Variants in ERC1 observed in about 807,000 individuals in gnomAD.
ERC1 encodes ELKS/RAB6-interacting/CAST family member 1, also known as RAB6 interacting protein 2.
A neutral mutation model predicts 132.0 loss-of-function variants in ERC1; 56 were observed. The observed-to-expected ratio is 0.42, with a 90% confidence interval of 0.34 to 0.53. The LOEUF is 0.53. Among genes scored for constraint, ERC1 ranks in the 20% least tolerant of loss-of-function variants. The probability of loss-of-function intolerance (pLI) is 0.03; values close to 1 mark genes in which losing one functional copy is unlikely to be tolerated. For synonymous variants in ERC1, 478 were observed against 476.1 expected (o/e 1.00, Z -0.05); for missense variants, 1,202 against 1,349.9 (o/e 0.89, Z 1.72).
At chr12:1,358,415 A>G (rs1440035863) in intron 15 of ERC1, among the ~76,000 whole-genome samples, 2 of 152,116 alleles carry the variant, frequency 1.3e-5, no homozygotes, top group East Asian at 3.9e-4. Context: ...CTTTTTATAT[A>G]CTTATTGGAT....
At chr12:1,442,445 C>A (rs1052859222) in intron 17 of ERC1, among the ~76,000 whole-genome samples, 1 of 152,056 alleles carries the variant, frequency 6.6e-6, no homozygotes. Flanking sequence ...CTTACAGAGC[C>A]CAGCAGCCTT....
At chr12:1,475,700 T>C (rs986282779) in intron 18 of ERC1, among the ~76,000 whole-genome samples, 4 of 152,100 alleles carry the variant, frequency 2.6e-5, no homozygotes, top group African/African-American at 9.7e-5. Flanking sequence ...ATTTAAGATG[T>C]TGGAAGAGGA....
chr12:1,217,427 G>A (rs60908580), intron 12 of ERC1, among the ~76,000 whole-genome samples: 48,155 of 152,086 alleles, frequency 0.32, 8,071 homozygotes, highest in African/African-American at 0.4. Context: ...ATTGTGCTGT[G>A]GTATGTGAGA....
intron 16 of ERC1, chr12:1,391,629 GCA>G (rs1566751067): frequency 6.6e-6 from 1 of 152,442 alleles, no homozygotes; most frequent in Non-Finnish European, 1.5e-5. Flanking sequence ...TTCCAGTGGA[GCA>G]AGGAGAGGCT....
intron 17 of ERC1, among the ~76,000 whole-genome samples, chr12:1,432,880 G>A (rs1339403231): frequency 6.6e-6 from 1 of 152,182 alleles, no homozygotes; most frequent in Non-Finnish European, 1.5e-5. Flanking sequence ...TAGCCTCTGG[G>A]TTAAAAAACA....
At chr12:1,068,452 A>G (rs1194380629) in intron 2 of ERC1, among the ~76,000 whole-genome samples, 1 of 151,808 alleles carries the variant, frequency 6.6e-6, no homozygotes, top group Admixed American at 6.6e-5. Flanking sequence ...TATTTATTAC[A>G]TACAAAAATA....
intron 17 of ERC1, among the ~76,000 whole-genome samples, chr12:1,424,301 G>C (rs1162526612): frequency 6.6e-6 from 1 of 152,124 alleles, no homozygotes; most frequent in Non-Finnish European, 1.5e-5. Flanking sequence ...CAATAGAGGG[G>C]TAATAGAAGA....
At chr12:1,183,901 C>T (rs534814076) in intron 11 of ERC1, among the ~76,000 whole-genome samples, 3 of 151,424 alleles carry the variant, frequency 2.0e-5, no homozygotes, top group Non-Finnish European at 2.9e-5. Context: ...TTTGGGAGGC[C>T]GAGGCGGGCA....
chr12:1,130,056 A>G (rs1948609436), intron 7 of ERC1, among the ~76,000 whole-genome samples: 1 of 152,234 alleles, frequency 6.6e-6, no homozygotes, highest in Non-Finnish European at 1.5e-5. Flanking sequence ...TTGCTAAATA[A>G]TACAGCAGGT....
intron 18 of ERC1, among the ~76,000 whole-genome samples, chr12:1,480,298 G>A (rs1296643823): frequency 6.6e-6 from 1 of 152,138 alleles, no homozygotes; most frequent in Non-Finnish European, 1.5e-5. Flanking sequence ...GTTTTTCGAT[G>A]TTTTGTTATT....
At chr12:1,043,505 G>A (rs1028497256) in intron 2 of ERC1, among the ~76,000 whole-genome samples, 12 of 152,214 alleles carry the variant, frequency 7.9e-5, no homozygotes, top group African/African-American at 2.4e-4. Flanking sequence ...AACACTGGCT[G>A]TTAGAATAAC....
At chr12:1,379,209 C>T (rs1367221627) in intron 16 of ERC1, among the ~76,000 whole-genome samples, 1 of 152,166 alleles carries the variant, frequency 6.6e-6, no homozygotes, top group Non-Finnish European at 1.5e-5. Context: ...AAGAAGAAAC[C>T]AGGCCCCCAC....
At position 1,391,913 on chromosome 12, in the gene ERC1, C is replaced by G. The variant is rs570091706; in HGVS notation, c.2926-16236C>G. Among the ~76,000 whole-genome samples the G allele has an allele frequency of 7.9e-5, 12 of 152,302 alleles. No homozygotes were observed. In the South Asian group the frequency reaches 2.5e-3, roughly 32 times the overall value. ...ATATAAGGCAGAAAGATCCAGGGAG[C>G]TGCAGGTCACAGCACTCCTGACTGG... On this transcript the variant is annotated intron_variant, in intron 16 of 18. Transcript: ENST00000360905.
chr12:1,251,282 T>C (rs1476045662), intron 13 of ERC1, among the ~76,000 whole-genome samples: 2 of 152,168 alleles, frequency 1.3e-5, no homozygotes, highest in East Asian at 3.8e-4. Flanking sequence ...ATACATCTAA[T>C]ATATTAATGT....
At chr12:1,071,237 C>G (rs1309664430) in intron 2 of ERC1, among the ~76,000 whole-genome samples, 2 of 152,162 alleles carry the variant, frequency 1.3e-5, no homozygotes, top group Non-Finnish European at 2.9e-5. Context: ...TTCCTGGGTC[C>G]TAGGGTGGTG....
chr12:1,383,176 G>T (rs1280333516), intron 16 of ERC1, among the ~76,000 whole-genome samples: 1 of 152,092 alleles, frequency 6.6e-6, no homozygotes, highest in African/African-American at 2.4e-5. Flanking sequence ...GATCCCTCTT[G>T]AATTGTCTCA....
intron 18 of ERC1, among the ~76,000 whole-genome samples, chr12:1,483,445 G>A (rs2094130090): frequency 6.6e-6 from 1 of 152,100 alleles, no homozygotes; most frequent in Non-Finnish European, 1.5e-5. Flanking sequence ...TGGCCAGTTG[G>A]TTAATACTTT....
intron 1 of ERC1, among the ~76,000 whole-genome samples, chr12:1,010,518 T>C (rs1055211872): frequency 5.3e-5 from 8 of 149,886 alleles, no homozygotes; most frequent in Admixed American, 5.3e-4. Context: ...TGATTTTTTT[T>C]TTTTTTTTTG....
At chr12:1,250,182 A>C (rs2076386010) in intron 13 of ERC1, among the ~76,000 whole-genome samples, 1 of 152,164 alleles carries the variant, frequency 6.6e-6, no homozygotes, top group Admixed American at 6.5e-5. Context: ...GTTTCTTTGA[A>C]TATAACACGT....
Sources: allele counts gnomAD v4.1 joint callset (sites outside exome capture counted in the v4.1 genomes callset), GRCh38; gene constraint gnomAD v4.1.1; transcripts MANE v1.5; gene names NCBI Gene and HGNC (gene_info 2026-07-23, HGNC 2026-07-21).